Variants in NT5DC3 observed in about 807,000 individuals in gnomAD.
The protein encoded by NT5DC3 is 5'-nucleotidase domain containing 3, also known as 5'-nucleotidase domain-containing protein 3.
A neutral mutation model predicts 67.8 loss-of-function variants in NT5DC3; 42 were observed. The observed-to-expected ratio is 0.62, with a 90% CI of 0.48 to 0.80. The LOEUF is 0.80. Ranked by LOEUF, NT5DC3 falls within the 30% of genes least tolerant of loss-of-function variation. The probability of loss-of-function intolerance (pLI) is 0.00; values close to 1 mark genes in which losing one functional copy is unlikely to be tolerated. For missense variants in NT5DC3, 570 were observed against 696.4 expected, an observed-to-expected ratio of 0.82 and a Z score of 2.04; for synonymous variants, 237 against 255.6, an observed-to-expected ratio of 0.93 and a Z score of 0.69.
the NT5DC3 span, among the ~76,000 whole-genome samples, chr12:103,751,599 G>T: frequency 2.6e-5 from 4 of 152,166 alleles, no homozygotes; most frequent in Non-Finnish European, 5.9e-5. Flanking sequence ...ATGGGCAGTT[G>T]CTACTTAGCA....
chr12:103,750,757 C>T, the NT5DC3 span: 12 of 1,582,750 alleles, frequency 7.6e-6, no homozygotes, highest in Admixed American at 2.0e-4. Flanking sequence ...AAAGCACCCT[C>T]CTCTTCAGGC....
intron 9 of NT5DC3, among the ~76,000 whole-genome samples, chr12:103,789,218 G>A (rs1007644526): frequency 3.3e-5 from 5 of 152,164 alleles, no homozygotes; most frequent in African/African-American, 1.2e-4. Context: ...GAGGTCAGGA[G>A]TTCGAGATCA....
chr12:103,813,586 G>A (rs1887123808), intron 2 of NT5DC3, among the ~76,000 whole-genome samples: 1 of 152,190 alleles, frequency 6.6e-6, no homozygotes, highest in Non-Finnish European at 1.5e-5. Context: ...GGAGAACTTT[G>A]GCTGCATTAA....
At chr12:103,778,182 A>AAAG in intron 13 of NT5DC3, 101 bp from the exon 14 acceptor site, 1 of 1,241,120 alleles carries the variant, frequency 8.1e-7, no homozygotes. Flanking sequence ...AAAAAAAAAA[A>AAAG]TAGGACTCAT....
chr12:103,786,342 T>A (rs534851908), intron 11 of NT5DC3, among the ~76,000 whole-genome samples: 41 of 152,212 alleles, frequency 2.7e-4, no homozygotes, highest in Non-Finnish European at 5.1e-4. Flanking sequence ...AACAGAAAGA[T>A]TCTGGCTGAA....
intron 1 of NT5DC3, among the ~76,000 whole-genome samples, chr12:103,819,940 C>G (rs1407456381): frequency 6.6e-6 from 1 of 152,184 alleles, no homozygotes; most frequent in African/African-American, 2.4e-5. Flanking sequence ...TCCTCATTCA[C>G]CCCAGCTTTC....
At chr12:103,812,077 G>A (rs1245515800) in intron 2 of NT5DC3, among the ~76,000 whole-genome samples, 1 of 151,902 alleles carries the variant, frequency 6.6e-6, no homozygotes, top group East Asian at 1.9e-4. Context: ...TCAAAATATA[G>A]ACAGTTATTA....
chr12:103,771,603 T>A (rs901164921), downstream of NT5DC3, among the ~76,000 whole-genome samples: 2 of 151,952 alleles, frequency 1.3e-5, no homozygotes, highest in Non-Finnish European at 2.9e-5. Flanking sequence ...TCTCCCCACA[T>A]CTCCAAATTG....
chr12:103,816,408 T>C (rs1241727293), intron 1 of NT5DC3, among the ~76,000 whole-genome samples: 1 of 152,228 alleles, frequency 6.6e-6, no homozygotes, highest in African/African-American at 2.4e-5. Context: ...ATTTAAGTTT[T>C]TTCCTATTTA....
At chr12:103,816,299 T>C (rs1348865361) in intron 1 of NT5DC3, among the ~76,000 whole-genome samples, 4 of 152,222 alleles carry the variant, frequency 2.6e-5, no homozygotes, top group Admixed American at 6.5e-5. Context: ...CAATGAGTGA[T>C]TGGACTATCA....
chr12:103,785,295 C>T (rs748408029), intron 12 of NT5DC3, 40 bp downstream of exon 12: 21 of 1,605,144 alleles, frequency 1.3e-5, no homozygotes, highest in Non-Finnish European at 1.8e-5. Context: ...TAACCTCAGG[C>T]TTAAAGAAAA....
chr12:103,805,833 G>A (rs1418803053), intron 4 of NT5DC3, among the ~76,000 whole-genome samples: 6 of 129,150 alleles, frequency 4.6e-5, no homozygotes, highest in Non-Finnish European at 7.9e-5. Context: ...GCATCACAGC[G>A]AGACTCCACC....
intron 11 of NT5DC3, 125 bp from the exon 12 acceptor site, chr12:103,785,600 A>C: frequency 1.1e-6 from 1 of 952,150 alleles, no homozygotes; most frequent in East Asian, 2.5e-5. Context: ...GTTATTCACC[A>C]AGCTGAATTC....
chr12:103,787,240 T>G, intron 11 of NT5DC3, among the ~76,000 whole-genome samples: 1 of 149,260 alleles, frequency 6.7e-6, no homozygotes, highest in Non-Finnish European at 1.5e-5. Context: ...TTCACAACTC[T>G]GATCCATCCT....
chr12:103,789,146 G>C (rs950300892), intron 9 of NT5DC3: 12 of 485,164 alleles, frequency 2.5e-5, no homozygotes, highest in Non-Finnish European at 4.4e-5. Context: ...CCAGGGGGCT[G>C]GGCGCAGTAG....
the NT5DC3 span, chr12:103,755,085 G>C: frequency 1.8e-6 from 1 of 569,996 alleles, no homozygotes; most frequent in African/African-American, 1.9e-5. Context: ...AAAGACCTGG[G>C]CACCTACAAG....
intron 4 of NT5DC3, 54 bp downstream of exon 4, chr12:103,806,268 C>G: frequency 8.5e-7 from 1 of 1,174,928 alleles, no homozygotes; most frequent in South Asian, 1.2e-5. Context: ...GGTCCTGAAA[C>G]CCAAAGCACC....
chr12:103,817,253 A>C (rs1372171952), intron 1 of NT5DC3, among the ~76,000 whole-genome samples: 1 of 152,206 alleles, frequency 6.6e-6, no homozygotes, highest in Admixed American at 6.5e-5. Context: ...CAAAAGACAA[A>C]AAAATGTGAT....
intron 1 of NT5DC3, chr12:103,820,885 T>TA (rs1463397803): frequency 6.6e-6 from 1 of 152,242 alleles, no homozygotes; most frequent in African/African-American, 2.4e-5. Flanking sequence ...GCGATGGCTG[T>TA]GGGCACTGGG....
Sources: allele counts gnomAD v4.1 joint callset (sites outside exome capture counted in the v4.1 genomes callset), GRCh38; gene constraint gnomAD v4.1.1; transcripts MANE v1.5; gene names NCBI Gene and HGNC (gene_info 2026-07-23, HGNC 2026-07-21).